Variants in GREB1L observed in about 807,000 individuals in gnomAD.
The protein encoded by GREB1L is GREB1-like protein.
In GREB1L, 17 loss-of-function variants were observed where a neutral mutation model predicts 200.8. The observed-to-expected ratio is 0.08, with a 90% CI of 0.06 to 0.13. The LOEUF (loss-of-function observed/expected upper bound fraction) is 0.13, where lower values mean the gene tolerates loss of function less well. Ranked by LOEUF, GREB1L falls within the 10% of genes least tolerant of loss-of-function variation. The probability of loss-of-function intolerance (pLI) is 1.00; values close to 1 mark genes in which losing one functional copy is unlikely to be tolerated. For missense variants in GREB1L, 1,657 were observed against 2,367.7 expected (o/e 0.70, Z 6.23); for synonymous variants, 789 against 893.0 (o/e 0.88, Z 2.08).
At chr18:21,427,980 G>A (rs990722287) in intron 7 of GREB1L, among the ~76,000 whole-genome samples, 5 of 151,264 alleles carry the variant, frequency 3.3e-5, no homozygotes, top group Non-Finnish European at 5.9e-5. Flanking sequence ...CATGAGGTCA[G>A]GAGATCGAGA....
intron 1 of GREB1L, among the ~76,000 whole-genome samples, chr18:21,290,550 C>T (rs1321924882): frequency 1.3e-5 from 2 of 152,168 alleles, no homozygotes; most frequent in African/African-American, 4.8e-5. Context: ...TCACCAGGTG[C>T]AGTGGCTCAT....
At chr18:21,510,866 T>C (rs1255696343) in intron 27 of GREB1L, among the ~76,000 whole-genome samples, 1 of 152,128 alleles carries the variant, frequency 6.6e-6, no homozygotes, top group Non-Finnish European at 1.5e-5. Flanking sequence ...TTTGAGGTGT[T>C]TTGCATTGTG....
At chr18:21,468,997 C>G in intron 15 of GREB1L, 1 of 276,428 alleles carries the variant, frequency 3.6e-6, no homozygotes, top group East Asian at 8.3e-5. Flanking sequence ...ACCTTGATCA[C>G]TTGATTAAGG....
intron 4 of GREB1L, among the ~76,000 whole-genome samples, chr18:21,391,731 A>T (rs1274890839): frequency 1.3e-5 from 2 of 152,234 alleles, no homozygotes; most frequent in African/African-American, 4.8e-5. Flanking sequence ...GAGATTTAAA[A>T]ATTAATTCTG....
chr18:21,382,538 C>T (rs184537021), intron 2 of GREB1L, among the ~76,000 whole-genome samples: 2,255 of 148,616 alleles, frequency 0.015, 35 homozygotes, highest in Non-Finnish European at 0.019. Flanking sequence ...GTCGCCCAGG[C>T]TGGAGTGCAG....
chr18:21,480,844 AC>A (rs895634301), intron 17 of GREB1L, among the ~76,000 whole-genome samples: 1 of 151,990 alleles, frequency 6.6e-6, no homozygotes, highest in African/African-American at 2.4e-5. Context: ...ACACGGTGAA[AC>A]CCCATCCCTA....
chr18:21,345,127 T>C (rs1386960206), intron 1 of GREB1L, among the ~76,000 whole-genome samples: 1 of 152,208 alleles, frequency 6.6e-6, no homozygotes, highest in Non-Finnish European at 1.5e-5. Flanking sequence ...AGCCAAGTTC[T>C]TTATCTCCAA....
At chr18:21,335,666 CTTTTTTT>C (rs746907148) in intron 1 of GREB1L, among the ~76,000 whole-genome samples, 1 of 139,336 alleles carries the variant, frequency 7.2e-6, no homozygotes, top group African/African-American at 2.6e-5. Flanking sequence ...TTCTTTTTTT[CTTTTTTT>C]TTTTTTTCGA....
intron 16 of GREB1L, 30 bp from the exon 17 acceptor site, chr18:21,477,134 G>T (rs372122876): frequency 2.1e-6 from 3 of 1,457,732 alleles, no homozygotes; most frequent in Non-Finnish European, 2.8e-6. Flanking sequence ...GTTAAATGAG[G>T]TATTAATATG....
intron 1 of GREB1L, among the ~76,000 whole-genome samples, chr18:21,292,439 C>G (rs2038464550): frequency 6.6e-6 from 1 of 152,160 alleles, no homozygotes; most frequent in South Asian, 2.1e-4. Context: ...GAGGGTTGTA[C>G]AACCATTACC....
At chr18:21,246,917 A>G (rs912109081) in intron 1 of GREB1L, among the ~76,000 whole-genome samples, 1 of 152,206 alleles carries the variant, frequency 6.6e-6, no homozygotes, top group African/African-American at 2.4e-5. Flanking sequence ...CAATCATGTT[A>G]TCTTTTGGCT....
intron 7 of GREB1L, among the ~76,000 whole-genome samples, chr18:21,435,942 C>T (rs914854297): frequency 6.6e-6 from 1 of 151,950 alleles, no homozygotes; most frequent in African/African-American, 2.4e-5. Context: ...TGATGAGGTC[C>T]TTGGCTAGAA....
intron 1 of GREB1L, among the ~76,000 whole-genome samples, chr18:21,270,773 T>C (rs1426877678): frequency 3.9e-5 from 6 of 152,258 alleles, no homozygotes; most frequent in Non-Finnish European, 7.3e-5. Context: ...ACTTTCTCAA[T>C]GGGTTATTTC....
At chr18:21,312,615 A>G (rs369236451) in intron 1 of GREB1L, among the ~76,000 whole-genome samples, 1 of 151,856 alleles carries the variant, frequency 6.6e-6, no homozygotes, top group Non-Finnish European at 1.5e-5. Context: ...GTGCAGTGGC[A>G]TGATCTCGGC....
intron 1 of GREB1L, among the ~76,000 whole-genome samples, chr18:21,351,580 A>C (rs965298772): frequency 5.3e-5 from 8 of 152,094 alleles, no homozygotes; most frequent in Non-Finnish European, 1.2e-4. Context: ...CTTAAAAAAA[A>C]AAAAAAGGCA....
chr18:21,478,095 T>C (rs1164886678), intron 17 of GREB1L, among the ~76,000 whole-genome samples: 1 of 152,234 alleles, frequency 6.6e-6, no homozygotes, highest in African/African-American at 2.4e-5. Context: ...TTTAGTCTGA[T>C]GATCTGCATC....
At position 21,518,022 on chromosome 18, in the gene GREB1L, C is replaced by T. The variant is rs1485490881; in HGVS notation, c.5272-12C>T. On this transcript the variant is annotated splice_polypyrimidine_tract_variant and intron_variant, in intron 30 of 32. Transcript: ENST00000424526. ...GACAAGTTTCCCATGATCATCTCGCCTCTGATTTCAGGTGTCAGAGAGCTT... is the reference window on the plus strand; with the variant it reads ...GACAAGTTTCCCATGATCATCTCGCTTCTGATTTCAGGTGTCAGAGAGCTT... The T allele has an allele frequency of 6.5e-7, 1 of 1,548,158 alleles. No individual in the cohort carries two copies. The highest frequency in any genetic ancestry group is 8.7e-7 in the Non-Finnish European group (1 of 1,143,880).
intron 1 of GREB1L, among the ~76,000 whole-genome samples, chr18:21,266,417 A>G (rs2037968777): frequency 6.6e-6 from 1 of 152,186 alleles, no homozygotes; most frequent in South Asian, 2.1e-4. Flanking sequence ...GATTTACTCT[A>G]ATTACCTTTA....
rs1839019024 is a variant in GREB1L at position 21,388,119 on chromosome 18, T to C, written c.355+3716T>C. On this transcript the variant is annotated intron_variant, in intron 4 of 32. Coordinates refer to ENST00000424526, the MANE Select transcript of GREB1L (RefSeq NM_001142966.3). Reference sequence around the variant, plus strand: ...CTTGACTTAATGAGCATTTTTGGCATGGAGTTGATTTCTTCTGGACCCTGT... The same window carrying C: ...CTTGACTTAATGAGCATTTTTGGCACGGAGTTGATTTCTTCTGGACCCTGT... 2.0e-5 allele frequency among the ~76,000 whole-genome samples: 3 copies of C among 152,210 alleles called. 1 individual carries two copies. The South Asian group carries it at 6.2e-4, about 31-fold the overall frequency.
Sources: gnomAD v4.1 joint callset for allele counts (sites outside exome capture counted in the v4.1 genomes callset) on GRCh38, gnomAD v4.1.1 for gene constraint, MANE v1.5 for transcripts, NCBI Gene and HGNC (gene_info 2026-07-23, HGNC 2026-07-21) for gene names.